Variants in ANO6 observed in about 807,000 individuals in gnomAD.
ANO6 encodes the protein anoctamin 6.
A neutral mutation model predicts 117.5 loss-of-function variants in ANO6; 106 were observed. The observed-to-expected ratio is 0.90, with a 90% CI of 0.77 to 1.06. ANO6 has a LOEUF of 1.06. Ranked by LOEUF, ANO6 falls within the 50% of genes least tolerant of loss-of-function variation. The probability of loss-of-function intolerance (pLI) is 0.00; values close to 1 mark genes in which losing one functional copy is unlikely to be tolerated. For missense variants in ANO6, 955 were observed against 1,121.1 expected, an observed-to-expected ratio of 0.85 and a Z score of 2.12; for synonymous variants, 367 against 385.1, an observed-to-expected ratio of 0.95 and a Z score of 0.55.
chr12:45,439,975 T>C (rs1227619409), exon 20 of ANO6: 2 of 1,452,102 alleles, frequency 1.4e-6, no homozygotes, highest in East Asian at 2.5e-5. Context: ...TATTTGTGTG[T>C]CTATTATGTG....
intron 1 of ANO6, among the ~76,000 whole-genome samples, chr12:45,236,809 C>A (rs1947652572): frequency 6.6e-6 from 1 of 152,226 alleles, no homozygotes; most frequent in Non-Finnish European, 1.5e-5. Context: ...GCCACACTGT[C>A]TTCCACAATG....
chr12:45,299,372 G>GC (rs1401824123), intron 1 of ANO6, among the ~76,000 whole-genome samples: 2 of 152,192 alleles, frequency 1.3e-5, no homozygotes, highest in Non-Finnish European at 2.9e-5. Flanking sequence ...AGCTCTTCAA[G>GC]CCTTTGCTCA....
chr12:45,403,098 G>C lies in ANO6; in HGVS notation c.1639G>C (p.Glu547Gln), dbSNP rs1235379573. ...ACTCCCAAGGACCCAGACTGATTAT[G>C]AGAACAGCCTCACCATGAAGATGTT... Reference protein sequence around the residue: ...FELPRTQTDYENSLTMKMFLF... With the variant: ...FELPRTQTDYQNSLTMKMFLF... Residue 547 changes from glutamate (E) to glutamine (Q), a missense_variant, in exon 14 of 20, where the codon GAG becomes CAG. Physicochemically the swap from Glu to Gln is conservative, Grantham distance 29. Coordinates refer to ENST00000320560, the MANE Select transcript of ANO6 (RefSeq NM_001025356.3). 6.2e-7 allele frequency: 1 copy of C among 1,613,914 alleles called. No homozygotes were observed. Among genetic ancestry groups the C allele is most frequent in the East Asian group, 2.2e-5 (1 of 44,840 alleles).
chr12:45,261,214 G>C (rs1351759016), intron 1 of ANO6, among the ~76,000 whole-genome samples: 1 of 152,210 alleles, frequency 6.6e-6, no homozygotes, highest in Non-Finnish European at 1.5e-5. Context: ...GAGGAACAAA[G>C]AATAGGAAAA....
In ANO6 at chr12:45,418,130, C is replaced by A. The variant is rs560268221; in HGVS notation, c.2217+1226C>A. On this transcript the variant is annotated intron_variant, in intron 17 of 19. Transcript: ENST00000320560. ...CTCATCATTGTTATTAACAGTAACGCTGTGAGGACTCTGACAGGTACCCCA... is the reference window on the plus strand; with the variant it reads ...CTCATCATTGTTATTAACAGTAACGATGTGAGGACTCTGACAGGTACCCCA... 2.3e-4 allele frequency among the ~76,000 whole-genome samples: 35 copies of A among 152,250 alleles called. No individual in the cohort carries two copies. In the South Asian group the frequency reaches 7.1e-3, roughly 31 times the overall value.
At chr12:45,260,455 G>T (rs1369926194) in intron 1 of ANO6, among the ~76,000 whole-genome samples, 2 of 152,190 alleles carry the variant, frequency 1.3e-5, no homozygotes, top group African/African-American at 4.8e-5. Context: ...CAATTGCAAG[G>T]CAAAGCAAAG....
At chr12:45,330,928 C>G (rs754156294) in intron 2 of ANO6, among the ~76,000 whole-genome samples, 3 of 151,840 alleles carry the variant, frequency 2.0e-5, no homozygotes, top group Non-Finnish European at 4.4e-5. Flanking sequence ...GATTTTTCTT[C>G]TTGTTAAATA....
Position 45,431,415 on chromosome 12 carries a change from A to G in ANO6, c.*2104A>G, listed in dbSNP as rs985144679. On this transcript the variant is annotated 3_prime_UTR_variant, in exon 20 of 20. Coordinates refer to ENST00000320560, the MANE Select transcript of ANO6 (RefSeq NM_001025356.3). Reference sequence around the variant, plus strand: ...CATGTATGTCAGCATAGAAAAGGAAATGTTTTTACCTTATCTCCTGTATGT... The same window carrying G: ...CATGTATGTCAGCATAGAAAAGGAAGTGTTTTTACCTTATCTCCTGTATGT... 1.9e-5 allele frequency: 19 copies of G among 985,266 alleles called. No individual in the cohort carries two copies. Among genetic ancestry groups the G allele is most frequent in the Non-Finnish European group, 2.2e-5 (18 of 829,940 alleles). 61.0% of individuals were successfully genotyped at this position (985,266 alleles called of 1,614,324 possible).
At chr12:45,386,890 T>C (rs7302635) in intron 10 of ANO6, among the ~76,000 whole-genome samples, 2 of 152,194 alleles carry the variant, frequency 1.3e-5, no homozygotes, top group Non-Finnish European at 2.9e-5. Flanking sequence ...GACTCATCAC[T>C]GTGGTCCCCT....
chr12:45,359,580 C>T (rs746314718), intron 8 of ANO6, among the ~76,000 whole-genome samples: 27 of 152,188 alleles, frequency 1.8e-4, no homozygotes, highest in Non-Finnish European at 3.4e-4. Context: ...TTTCATTTCA[C>T]CTACTGTTTT....
intron 2 of ANO6, among the ~76,000 whole-genome samples, chr12:45,318,587 G>C (rs1940136200): frequency 6.6e-6 from 1 of 152,126 alleles, no homozygotes; most frequent in African/African-American, 2.4e-5. Flanking sequence ...TTTTGGCTTA[G>C]GATTGACTTG....
chr12:45,293,087 C>T (rs894065921), intron 1 of ANO6: 2 of 668,910 alleles, frequency 3.0e-6, no homozygotes, highest in African/African-American at 3.9e-5. Context: ...GTGTGTGTGT[C>T]ACAGTATGGT....
intron 1 of ANO6, among the ~76,000 whole-genome samples, chr12:45,240,095 G>A (rs1047816383): frequency 2.0e-5 from 3 of 152,062 alleles, no homozygotes; most frequent in African/African-American, 4.8e-5. Context: ...CTTCGTTCTC[G>A]TTGATCTGTC....
At chr12:45,316,941 A>T (rs1369301606) in intron 2 of ANO6, among the ~76,000 whole-genome samples, 3 of 149,998 alleles carry the variant, frequency 2.0e-5, no homozygotes, top group Non-Finnish European at 4.4e-5. Flanking sequence ...ACTATATTAG[A>T]ACTTAAAACA....
At chr12:45,239,306 A>G (rs950643698) in intron 1 of ANO6, among the ~76,000 whole-genome samples, 3 of 152,182 alleles carry the variant, frequency 2.0e-5, no homozygotes, top group Non-Finnish European at 4.4e-5. Context: ...CATTTCTTCT[A>G]GATTTTCTAG....
chr12:45,275,498 A>G (rs1336299724), intron 1 of ANO6, among the ~76,000 whole-genome samples: 2 of 152,156 alleles, frequency 1.3e-5, no homozygotes, highest in Non-Finnish European at 2.9e-5. Context: ...ATGAGCCACC[A>G]TGCCCGGCCT....
At chr12:45,251,161 G>C (rs1947896306) in intron 1 of ANO6, among the ~76,000 whole-genome samples, 1 of 152,148 alleles carries the variant, frequency 6.6e-6, no homozygotes, top group Non-Finnish European at 1.5e-5. Context: ...AAAGAACAGA[G>C]CTGGGACCCT....
chr12:45,353,007 A>G (rs1941321463), intron 7 of ANO6, among the ~76,000 whole-genome samples: 3 of 144,342 alleles, frequency 2.1e-5, no homozygotes, highest in South Asian at 4.2e-4. Context: ...ATTTGCTATA[A>G]CTAAGTAATT....
At chr12:45,242,688 C>A (rs1277554420) in intron 1 of ANO6, among the ~76,000 whole-genome samples, 4 of 152,166 alleles carry the variant, frequency 2.6e-5, no homozygotes, top group Admixed American at 2.6e-4. Flanking sequence ...CAGAGCTGTT[C>A]CTATTCGGCC....
Sources: allele counts gnomAD v4.1 joint callset (sites outside exome capture counted in the v4.1 genomes callset), GRCh38; gene constraint gnomAD v4.1.1; transcripts MANE v1.5; gene names NCBI Gene and HGNC (gene_info 2026-07-23, HGNC 2026-07-21).